Variants in GGPS1 observed in about 807,000 individuals in gnomAD.
The protein encoded by GGPS1 is geranylgeranyl diphosphate synthase 1.
In GGPS1, 15 loss-of-function variants were observed where a neutral mutation model predicts 28.1. That is an observed-to-expected ratio of 0.53 (90% CI 0.36 to 0.82). The LOEUF (loss-of-function observed/expected upper bound fraction) is 0.82. Among genes scored for constraint, GGPS1 ranks in the 40% least tolerant of loss-of-function variants. GGPS1 has a pLI of 0.01. For synonymous variants in GGPS1, 138 were observed against 122.4 expected (o/e 1.13, Z -0.84); for missense variants, 284 against 348.3 (o/e 0.82, Z 1.47).
intron 1 of GGPS1, chr1:235,329,248 ACTT>A (rs1395599388): frequency 3.9e-5 from 6 of 152,298 alleles, no homozygotes; most frequent in African/African-American, 7.2e-5. Context: ...TGGGATGTTC[ACTT>A]CTTAGACGCA....
chr1:235,335,411 G>T (rs1572269643), intron 2 of GGPS1, 77 bp downstream of exon 2: 1 of 685,722 alleles, frequency 1.5e-6, no homozygotes, highest in South Asian at 1.8e-5. Context: ...AATAGAAAAG[G>T]TTAGACTTGC....
At chr1:235,333,567 C>CAAAAAAAAA (rs112155157) in intron 1 of GGPS1, among the ~76,000 whole-genome samples, 1 of 130,298 alleles carries the variant, frequency 7.7e-6, no homozygotes, top group African/African-American at 2.8e-5. Context: ...AACTCCGTCT[C>CAAAAAAAAA]AAAAAAAAAA....
chr1:235,343,034 A>C lies in GGPS1; in HGVS notation c.*262A>C, dbSNP rs953179292. ...TTGCAGTGACAGGACATTGCCACCA[A>C]CTCTATCCTACTACCATCAATGTTG... On this transcript the variant is annotated 3_prime_UTR_variant, in exon 4 of 4. Transcript: ENST00000282841. The C allele has an allele frequency of 3.1e-5, 9 of 293,208 alleles. No homozygotes were observed. The highest frequency in any genetic ancestry group is 6.0e-5 in the Non-Finnish European group (9 of 149,636). 18.2% of individuals were successfully genotyped at this position (293,208 alleles called of 1,614,324 possible).
chr1:235,327,909 T>A (rs974283729), upstream of GGPS1: 1 of 152,406 alleles, frequency 6.6e-6, no homozygotes, highest in African/African-American at 2.4e-5. Flanking sequence ...CTCCGGCTCC[T>A]CCTCCTCCCG....
intron 1 of GGPS1, among the ~76,000 whole-genome samples, chr1:235,330,956 AATC>A (rs1675694325): frequency 1.3e-5 from 2 of 152,216 alleles, no homozygotes; most frequent in Non-Finnish European, 2.9e-5. Flanking sequence ...GTTCGATAAT[AATC>A]TTTTAGCTAA....
intron 1 of GGPS1, among the ~76,000 whole-genome samples, chr1:235,331,954 T>C (rs768204787): frequency 6.6e-6 from 1 of 152,232 alleles, no homozygotes; most frequent in Non-Finnish European, 1.5e-5. Flanking sequence ...ACAGGAACAT[T>C]AAATACCTGA....
chr1:235,331,362 A>G (rs371102822), intron 1 of GGPS1, among the ~76,000 whole-genome samples: 1 of 152,208 alleles, frequency 6.6e-6, no homozygotes, highest in Non-Finnish European at 1.5e-5. Context: ...AACCTGAACT[A>G]TACACTAGTT....
intron 2 of GGPS1, among the ~76,000 whole-genome samples, chr1:235,338,868 AAATAAT>A (rs892260517): frequency 3.3e-5 from 5 of 151,742 alleles, no homozygotes; most frequent in African/African-American, 1.2e-4. Context: ...CCTGTCTCAA[AAATAAT>A]AATAATAGGC....
In GGPS1 at chr1:235,333,468, C is replaced by A. The variant is rs1369527980; in HGVS notation, c.-23-1774C>A. Among the ~76,000 whole-genome samples, 4 of 151,656 alleles carry A rather than the reference C, an allele frequency of 2.6e-5. No homozygotes were observed. The East Asian group carries it at 7.8e-4, about 29-fold the overall frequency. On this transcript the variant is annotated intron_variant, in intron 1 of 3. Transcript: ENST00000282841. ...CCTGTAATCCCTGCTATTCGGGAGG[C>A]TGAGGCAGGGGAATCACTTGAACCC...
Position 235,341,812 on chromosome 1 carries a change from G to A in GGPS1, c.141+34G>A, listed in dbSNP as rs374070262. ...CAACTCTAACCTCATTAATCCCCAAGAAATTAATAGCTGTCGCATAAAAAT... is the reference window on the plus strand; with the variant it reads ...CAACTCTAACCTCATTAATCCCCAAAAAATTAATAGCTGTCGCATAAAAAT... On this transcript the variant is annotated intron_variant, in intron 3 of 3. Coordinates refer to ENST00000282841, the MANE Select transcript of GGPS1 (RefSeq NM_004837.4). The A allele has an allele frequency of 2.5e-6, 3 of 1,189,822 alleles. No individual in the cohort carries two copies. In the African/African-American group the frequency reaches 4.6e-5, roughly 18 times the overall value. The allele number at this position is 1,189,822 out of a possible 1,614,324, so 73.7% of individuals were successfully genotyped here.
At chr1:235,335,467 GATAAA>G (rs1443634830) in intron 2 of GGPS1, 133 bp downstream of exon 2, 2 of 519,822 alleles carry the variant, frequency 3.8e-6, no homozygotes, top group Non-Finnish European at 6.8e-6. Context: ...TGAGAAAAAT[GATAAA>G]TAGAACATTA....
chr1:235,340,524 C>T (rs1203130911), intron 2 of GGPS1, among the ~76,000 whole-genome samples: 3 of 150,862 alleles, frequency 2.0e-5, no homozygotes, highest in African/African-American at 7.3e-5. Flanking sequence ...ATCACGAGGT[C>T]AGGAGATCGA....
intron 1 of GGPS1, among the ~76,000 whole-genome samples, chr1:235,332,128 G>T (rs761131579): frequency 6.6e-6 from 1 of 152,160 alleles, no homozygotes; most frequent in Non-Finnish European, 1.5e-5. Context: ...CACATGCATA[G>T]ATTGCATTGT....
chr1:235,341,176 A>G (rs529148079), intron 2 of GGPS1, among the ~76,000 whole-genome samples: 4 of 152,204 alleles, frequency 2.6e-5, no homozygotes, highest in African/African-American at 9.6e-5. Flanking sequence ...TAAAATATAC[A>G]AAAATTAGCC....
intron 2 of GGPS1, among the ~76,000 whole-genome samples, chr1:235,339,522 G>A (rs1675966951): frequency 1.3e-5 from 2 of 151,904 alleles, no homozygotes; most frequent in South Asian, 2.1e-4. Context: ...CATTTTGGGA[G>A]GCCAACACAG....
rs1427882044 is a variant in GGPS1 at position 235,341,708 on chromosome 1, G to A, written c.71G>A (p.Gly24Asp). ...EPYKYLLQLP[G>D]KQVRTKLSQA... ...GTCACATTTTATTTTTAAATTGCAGGTAAACAAGTGAGAACCAAACTTTCA... is the reference window on the plus strand; with the variant it reads ...GTCACATTTTATTTTTAAATTGCAGATAAACAAGTGAGAACCAAACTTTCA... The change falls in exon 3 of 4, where the codon GGT (glycine) becomes GAT (aspartate). Residue 24 changes from glycine to aspartate, a missense_variant and splice_region_variant. Physicochemically the swap from Gly to Asp is moderately conservative, Grantham distance 94. Coordinates refer to ENST00000282841, the MANE Select transcript of GGPS1 (RefSeq NM_004837.4). 3 of 1,541,750 alleles carry A rather than the reference G, an allele frequency of 1.9e-6. No homozygotes were observed. Among genetic ancestry groups the A allele is most frequent in the Non-Finnish European group, 2.7e-6 (3 of 1,115,174 alleles).
Position 235,335,293 on chromosome 1 carries a change from G to T in GGPS1, c.29G>T (p.Arg10Ile), listed in dbSNP as rs752833128. The change falls in exon 2 of 4, where the codon AGA (arginine) becomes ATA (isoleucine). Residue 10 changes from arginine (R) to isoleucine (I), a missense_variant. Arg to Ile is a moderately conservative substitution (Grantham distance 97, BLOSUM62 -3). Transcript: ENST00000282841. ...GAGAAGACTCAAGAAACAGTCCAAA[G>T]AATTCTTCTAGAACCCTATAAATAC... is the stretch of plus-strand genomic sequence containing the variant. MEKTQETVQ[R>I]ILLEPYKYLL... 3 of 1,559,574 alleles carry T rather than the reference G, an allele frequency of 1.9e-6. No individual in the cohort carries two copies. The highest frequency in any genetic ancestry group is 2.2e-5 in the East Asian group (1 of 44,552).
intron 2 of GGPS1, among the ~76,000 whole-genome samples, chr1:235,340,343 A>T (rs1675997259): frequency 6.6e-6 from 1 of 150,982 alleles, no homozygotes; most frequent in Non-Finnish European, 1.5e-5. Flanking sequence ...GGTCGCTTGC[A>T]CCTATAGTGC....
intron 1 of GGPS1, among the ~76,000 whole-genome samples, chr1:235,331,472 G>A (rs1053950195): frequency 2.0e-5 from 3 of 152,122 alleles, no homozygotes; most frequent in African/African-American, 7.2e-5. Context: ...ATATTTGTCT[G>A]CTTGGCATTA....
Sources: allele counts gnomAD v4.1 joint callset (sites outside exome capture counted in the v4.1 genomes callset), GRCh38; gene constraint gnomAD v4.1.1; transcripts MANE v1.5; gene names NCBI Gene and HGNC (gene_info 2026-07-23, HGNC 2026-07-21).